Variants in GREB1 observed in about 807,000 individuals in gnomAD.
The protein encoded by GREB1 is protein GREB1.
In GREB1, 106 loss-of-function variants were observed where a neutral mutation model predicts 200.7. The observed-to-expected ratio is 0.53, with a 90% CI of 0.45 to 0.62. The LOEUF (loss-of-function observed/expected upper bound fraction) is 0.62, where lower values mean the gene tolerates loss of function less well. Ranked by LOEUF, GREB1 falls within the 20% of genes least tolerant of loss-of-function variation. The pLI is 0.00. For missense variants in GREB1, 2,243 were observed against 2,556.8 expected, an observed-to-expected ratio of 0.88 and a Z score of 2.65; for synonymous variants, 1,132 against 1,092.4, an observed-to-expected ratio of 1.04 and a Z score of -0.72.
chr2:11,547,130 A>G (rs1354970201), intron 1 of GREB1, among the ~76,000 whole-genome samples: 2 of 151,980 alleles, frequency 1.3e-5, no homozygotes, highest in Non-Finnish European at 2.9e-5. Flanking sequence ...TTTAGTACAG[A>G]TGGGGTTTCA....
Position 11,626,566 on chromosome 2 carries a change from C to T in GREB1, c.4307-396C>T, listed in dbSNP as rs532871747. ...TTGTGCCACTGTACTCCAGCCTGAG[C>T]GACAGAGCAAGACCTTGTCTCCAAA... is the stretch of plus-strand genomic sequence containing the variant. On this transcript the variant is annotated intron_variant, in intron 24 of 32. Coordinates refer to ENST00000381486, the MANE Select transcript of GREB1 (RefSeq NM_014668.4). Among the ~76,000 whole-genome samples, 36 of 152,254 alleles carry T rather than the reference C, an allele frequency of 2.4e-4. No individual in the cohort carries two copies. The Middle Eastern group carries it at 0.014, about 58-fold the overall frequency.
At chr2:11,526,036 G>C (rs16857573) in intron 1 of GREB1, among the ~76,000 whole-genome samples, 26,518 of 152,154 alleles carry the variant, frequency 0.17, 2,566 homozygotes, top group African/African-American at 0.25. Context: ...AGACATTTGA[G>C]AGGGTTTCAT....
intron 30 of GREB1, among the ~76,000 whole-genome samples, chr2:11,637,029 C>T (rs1558676104): frequency 9.2e-6 from 1 of 108,980 alleles, no homozygotes; most frequent in Non-Finnish European, 2.0e-5. Flanking sequence ...GAGGCAGGGG[C>T]ATGGGCAGAG....
At position 11,632,089 on chromosome 2, in the gene GREB1, A is replaced by G. The variant is rs757618093; in HGVS notation, c.4792A>G (p.Ser1598Gly). 1 of 1,613,804 alleles carries G rather than the reference A, an allele frequency of 6.2e-7. No homozygotes were observed. Among genetic ancestry groups the G allele is most frequent in the Admixed American group, 1.7e-5 (1 of 60,004 alleles). ...CAACCACATCATGCTGGTGCTCCCC[A>G]GTATCTTCAACAGTGCTGGAGTTGG... is the stretch of plus-strand genomic sequence containing the variant. ...WPNHIMLVLP[S>G]IFNSAGVGAA... Residue 1598 changes from serine to glycine, a missense_variant, in exon 27 of 33, where the codon AGT becomes GGT. Coordinates refer to ENST00000381486, the MANE Select transcript of GREB1 (RefSeq NM_014668.4).
At chr2:11,555,126 T>A (rs957603187) in intron 1 of GREB1, among the ~76,000 whole-genome samples, 2 of 151,630 alleles carry the variant, frequency 1.3e-5, no homozygotes, top group East Asian at 1.9e-4. Context: ...AAACTAAAGA[T>A]GACAATAAAG....
intron 1 of GREB1, chr2:11,540,699 A>G (rs1674664098): frequency 6.5e-6 from 1 of 154,420 alleles, no homozygotes; most frequent in African/African-American, 2.4e-5. Context: ...TGTGGAGTTT[A>G]TGAGTTCCTC....
At chr2:11,588,250 A>C in intron 9 of GREB1, 1 of 1,003,408 alleles carries the variant, frequency 1.0e-6, no homozygotes, top group Non-Finnish European at 1.2e-6. Context: ...AGAATGACTC[A>C]GTCTTCTGGT....
intron 17 of GREB1, among the ~76,000 whole-genome samples, chr2:11,602,999 C>G (rs1681923304): frequency 1.3e-5 from 2 of 152,192 alleles, no homozygotes; most frequent in African/African-American, 4.8e-5. Flanking sequence ...GAGCCACTTG[C>G]TACTGTTATT....
intron 1 of GREB1, among the ~76,000 whole-genome samples, chr2:11,509,953 A>G (rs1673303002): frequency 6.6e-6 from 1 of 152,180 alleles, no homozygotes; most frequent in Admixed American, 6.5e-5. Flanking sequence ...TTTCATTAGC[A>G]TGTTTTTGCA....
intron 1 of GREB1, among the ~76,000 whole-genome samples, chr2:11,552,796 G>A (rs943583363): frequency 1.3e-5 from 2 of 152,178 alleles, no homozygotes; most frequent in Admixed American, 1.3e-4. Context: ...CGGATCACGA[G>A]GTCAGGAGAT....
At chr2:11,569,224 G>A (rs567238454) in intron 4 of GREB1, among the ~76,000 whole-genome samples, 1 of 152,256 alleles carries the variant, frequency 6.6e-6, no homozygotes, top group South Asian at 2.1e-4. Context: ...TTCTTAGATG[G>A]GAGTAAACAA....
chr2:11,537,294 A>T (rs1231359570), intron 1 of GREB1, among the ~76,000 whole-genome samples: 1 of 152,058 alleles, frequency 6.6e-6, no homozygotes, highest in Non-Finnish European at 1.5e-5. Context: ...TTACACATTT[A>T]ATTTATTTAT....
intron 1 of GREB1, among the ~76,000 whole-genome samples, chr2:11,549,579 C>A (rs1055810405): frequency 6.6e-6 from 1 of 152,170 alleles, no homozygotes; most frequent in Non-Finnish European, 1.5e-5. Flanking sequence ...ATAACAAAAT[C>A]ATTTCAATTT....
chr2:11,604,136 G>A (rs1242415685), intron 17 of GREB1, among the ~76,000 whole-genome samples: 1 of 152,146 alleles, frequency 6.6e-6, no homozygotes. Context: ...CATCTAACCT[G>A]TCTAAACTTC....
rs996670177 is a variant in GREB1 at position 11,577,024 on chromosome 2, G to C, written c.637+489G>C. ...CACTCCAGCCTGGGCAGCAGAGCAC[G>C]ACTCCATCTCAAAACAAACAAACAA... is the stretch of plus-strand genomic sequence containing the variant. On this transcript the variant is annotated intron_variant, in intron 5 of 32. Transcript: ENST00000381486. Among the ~76,000 whole-genome samples, 6 of 151,822 alleles carry C rather than the reference G, an allele frequency of 4.0e-5. No individual in the cohort carries two copies. In the South Asian group the frequency reaches 8.3e-4, roughly 21 times the overall value.
At chr2:11,577,759 G>T (rs1341807814) in intron 5 of GREB1, among the ~76,000 whole-genome samples, 1 of 152,176 alleles carries the variant, frequency 6.6e-6, no homozygotes, top group Non-Finnish European at 1.5e-5. Flanking sequence ...CTTCCTCTCT[G>T]CTTTTCTTGT....
intron 1 of GREB1, among the ~76,000 whole-genome samples, chr2:11,535,384 CTTAT>C (rs113410274): frequency 0.25 from 37,269 of 151,232 alleles, 6,504 homozygotes; most frequent in African/African-American, 0.49. Context: ...CCTCACCCCA[CTTAT>C]TTATTTATTT....
intron 4 of GREB1, among the ~76,000 whole-genome samples, chr2:11,568,272 G>C (rs1658019591): frequency 6.6e-6 from 1 of 152,202 alleles, no homozygotes; most frequent in Non-Finnish European, 1.5e-5. Context: ...GAGAAGCTGT[G>C]CAAAGGATGA....
chr2:11,615,778 T>C (rs1370043681), intron 20 of GREB1, among the ~76,000 whole-genome samples: 1 of 152,204 alleles, frequency 6.6e-6, no homozygotes, highest in African/African-American at 2.4e-5. Context: ...GCCTTTTTAA[T>C]AGGACACATA....
Sources: gnomAD v4.1 joint callset for allele counts (sites outside exome capture counted in the v4.1 genomes callset) on GRCh38, gnomAD v4.1.1 for gene constraint, MANE v1.5 for transcripts, NCBI Gene and HGNC (gene_info 2026-07-23, HGNC 2026-07-21) for gene names.